The following IHO1 variants were observed in gnomAD, a reference collection of about 807,000 sequenced individuals.
The protein encoded by IHO1 is interactor of HORMAD1 protein 1.
In IHO1, 13 loss-of-function variants were observed where a neutral mutation model predicts 31.0. That is an observed-to-expected ratio of 0.42 (90% CI 0.27 to 0.67). The LOEUF is 0.67. IHO1 is among the 30% of genes least tolerant of loss of function. The pLI is 0.24. For missense variants in IHO1, 599 were observed against 687.5 expected (o/e 0.87, Z 1.44); for synonymous variants, 221 against 248.4 (o/e 0.89, Z 1.04).
chr3:49,251,879 G>T (rs562370435), intron 6 of IHO1, among the ~76,000 whole-genome samples: 3 of 151,592 alleles, frequency 2.0e-5, no homozygotes, highest in African/African-American at 4.9e-5. Context: ...TGGGATTACG[G>T]GCGGAGCTAC....
intron 4 of IHO1, among the ~76,000 whole-genome samples, chr3:49,243,254 T>A (rs980737997): frequency 3.3e-5 from 5 of 152,044 alleles, no homozygotes; most frequent in Admixed American, 3.3e-4. Flanking sequence ...GCGATTCAAG[T>A]GCCCCAGCCT....
chr3:49,244,281 C>G, intron 4 of IHO1, 123 bp from the exon 5 acceptor site: 2 of 679,818 alleles, frequency 2.9e-6, no homozygotes, highest in South Asian at 3.5e-5. Flanking sequence ...GTCTTCAGAT[C>G]TAATCAAGCA....
intron 2 of IHO1, among the ~76,000 whole-genome samples, chr3:49,212,163 CAAAAAAAAAAA>C (rs35238412): frequency 6.0e-5 from 3 of 50,156 alleles, no homozygotes; most frequent in Non-Finnish European, 1.2e-4. Context: ...GACTCCGTCT[CAAAAAAAAAAA>C]AAAAAAAAAG....
Position 49,207,076 on chromosome 3 carries a change from CA to C in IHO1, c.-15-4684del, listed in dbSNP as rs1024743501. On this transcript the variant is annotated intron_variant, in intron 1 of 7. Coordinates refer to ENST00000452691, the MANE Select transcript of IHO1 (RefSeq NM_001135197.2). Reference sequence around the variant, plus strand: ...AAAAAAAAAAAAAAAAAGCCTCTGACAAAAAATGTGTGGAATACAGGTGGAC... The same window carrying C: ...AAAAAAAAAAAAAAAAAGCCTCTGACAAAAATGTGTGGAATACAGGTGGAC... Among the ~76,000 whole-genome samples, 4 of 143,636 alleles carry C rather than the reference CA, an allele frequency of 2.8e-5. 1 individual carries two copies. In the East Asian group the frequency reaches 6.1e-4, roughly 22 times the overall value. 94.2% of individuals were successfully genotyped at this position (143,636 alleles called of 152,430 possible). A position where few individuals can be genotyped will look rare whatever the true frequency, so the allele number is the denominator to read the frequency against.
At chr3:49,193,250 C>T in the IHO1 span, among the ~76,000 whole-genome samples, 3 of 151,716 alleles carry the variant, frequency 2.0e-5, no homozygotes, top group Non-Finnish European at 2.9e-5. Flanking sequence ...CACACGCCTG[C>T]GGTCCCAGCT....
At chr3:49,234,162 G>GTTTTTTTTTTTTTTTTTTT (rs56802492) in intron 2 of IHO1, among the ~76,000 whole-genome samples, 6 of 91,924 alleles carry the variant, frequency 6.5e-5, no homozygotes, top group Admixed American at 1.7e-4. Context: ...TTTTGTTGTT[G>GTTTTTTTTTTTTTTTTTTT]TTTTTTTTTT....
chr3:49,250,847 T>G (rs753202690), intron 6 of IHO1, among the ~76,000 whole-genome samples: 4 of 151,876 alleles, frequency 2.6e-5, no homozygotes, highest in Non-Finnish European at 5.9e-5. Context: ...CTGACCAACA[T>G]GGTAAAACCC....
intron 1 of IHO1, among the ~76,000 whole-genome samples, chr3:49,201,573 A>C (rs1328206727): frequency 6.6e-6 from 1 of 152,102 alleles, no homozygotes; most frequent in African/African-American, 2.4e-5. Context: ...CAGTGAGCCA[A>C]GATCGCGCCA....
At position 49,257,642 on chromosome 3, in the gene IHO1, G is replaced by A. The variant is rs1049468884; in HGVS notation, c.*360G>A. On this transcript the variant is annotated 3_prime_UTR_variant, in exon 8 of 8. Transcript: ENST00000452691. ...AGAAGGGCTCTCATAAAACTGTTGC[G>A]GTGGCAGCATGACTCCAAACAACAT... 7.9e-5 allele frequency: 15 copies of A among 189,170 alleles called. No homozygotes were observed. The highest frequency in any genetic ancestry group is 2.8e-4 in the African/African-American group (12 of 42,268). 11.7% of individuals were successfully genotyped at this position (189,170 alleles called of 1,614,324 possible).
chr3:49,199,204 T>G (rs1176507205), upstream of IHO1: 2 of 152,508 alleles, frequency 1.3e-5, no homozygotes, highest in African/African-American at 4.8e-5. Context: ...GTGGGCTGGG[T>G]GTGGCGTGCA....
chr3:49,241,266 A>AGC lies in IHO1; in HGVS notation c.273_274dup (p.Leu92ArgfsTer7), dbSNP rs770102578. 6.2e-7 allele frequency: 1 copy of AGC among 1,613,184 alleles called. No homozygotes were observed. Among genetic ancestry groups the AGC allele is most frequent in the South Asian group, 1.1e-5 (1 of 90,764 alleles). On this transcript the variant is annotated frameshift_variant, in exon 4 of 8. Coordinates refer to ENST00000452691, the MANE Select transcript of IHO1 (RefSeq NM_001135197.2). LOFTEE classifies it high-confidence loss of function. ...TTCACAAAGTACCAGACAAAGCCCC[A>AGC]GCTGTTCGGAGGAGATATAAAAGAT...
intron 3 of IHO1, 80 bp downstream of exon 3, chr3:49,236,802 C>T: frequency 7.2e-7 from 1 of 1,387,878 alleles, no homozygotes; most frequent in Non-Finnish European, 9.8e-7. Context: ...CTTATTCTGG[C>T]CAGGTGCAAT....
chr3:49,221,414 C>T (rs1349322831), intron 2 of IHO1, among the ~76,000 whole-genome samples: 2 of 152,196 alleles, frequency 1.3e-5, no homozygotes, highest in African/African-American at 2.4e-5. Context: ...TAGCTAGACA[C>T]AGAGCGCTGA....
chr3:49,256,869 G>A lies in IHO1; in HGVS notation c.1372G>A (p.Ala458Thr). The A allele has an allele frequency of 6.2e-7, 1 of 1,614,234 alleles. No individual in the cohort carries two copies. Among genetic ancestry groups the A allele is most frequent in the Non-Finnish European group, 8.5e-7 (1 of 1,180,040 alleles). Residue 458 changes from alanine (A) to threonine (T), a missense_variant, in exon 8 of 8, where the codon GCC (alanine) becomes ACC (threonine). By Grantham distance (58) the Ala-to-Thr change is moderately conservative (BLOSUM62 0). Coordinates refer to ENST00000452691, the MANE Select transcript of IHO1 (RefSeq NM_001135197.2). The surrounding 1 kb of genome is among the most constrained non-coding windows in gnomAD (Gnocchi z 4.6). ...AHRAHRGRLI[A>T]SKQKQIPIQT... ...CAGGGCCCACAGAGGCAGGCTCATAGCCAGCAAGCAAAAACAAATCCCAAT... is the reference window on the plus strand; with the variant it reads ...CAGGGCCCACAGAGGCAGGCTCATAACCAGCAAGCAAAAACAAATCCCAAT...
At chr3:49,220,863 A>G (rs748469637) in intron 2 of IHO1, among the ~76,000 whole-genome samples, 5 of 152,168 alleles carry the variant, frequency 3.3e-5, no homozygotes, top group African/African-American at 4.8e-5. Context: ...TCAAGACTCC[A>G]TCAAAAAATA....
rs373426098 is a variant in IHO1, at chr3:49,242,214, A to G, written c.395+825A>G. Among the ~76,000 whole-genome samples the G allele has an allele frequency of 2.0e-4, 30 of 152,332 alleles. 1 individual carries two copies. Among genetic ancestry groups the G allele is most frequent in the Middle Eastern group, 3.4e-3 (1 of 294 alleles). On this transcript the variant is annotated intron_variant, in intron 4 of 7. Coordinates refer to ENST00000452691, the MANE Select transcript of IHO1 (RefSeq NM_001135197.2). ...CACTTCGGCCTCCCAAAGTGCTGGC[A>G]TTACAAGCATGAGCCACCGCAGTCT...
chr3:49,200,611 C>T (rs1386140512), intron 1 of IHO1: 1 of 980,504 alleles, frequency 1.0e-6, no homozygotes, highest in African/African-American at 1.8e-5. Flanking sequence ...ACGTGTTCCT[C>T]CCTTGTGTAC....
chr3:49,204,950 C>T (rs1020908256), intron 1 of IHO1, among the ~76,000 whole-genome samples: 1 of 151,970 alleles, frequency 6.6e-6, no homozygotes, highest in Non-Finnish European at 1.5e-5. Context: ...ATCACTTGAA[C>T]CCGGAAGGCG....
At chr3:49,201,263 G>A (rs1429472020) in intron 1 of IHO1, among the ~76,000 whole-genome samples, 1 of 151,660 alleles carries the variant, frequency 6.6e-6, no homozygotes, top group Non-Finnish European at 1.5e-5. Context: ...AAAGTGCTGG[G>A]ATTACAGGCA....
Sources: gnomAD v4.1 joint callset for allele counts (sites outside exome capture counted in the v4.1 genomes callset) on GRCh38, gnomAD v4.1.1 for gene constraint, Gnocchi (gnomAD v3.1) non-coding constraint, MANE v1.5 for transcripts, NCBI Gene and HGNC (gene_info 2026-07-23, HGNC 2026-07-21) for gene names.